Variants in LIPG observed in about 807,000 individuals in gnomAD.
LIPG encodes the protein endothelial lipase.
Under a neutral mutation model 51.8 loss-of-function variants are expected in LIPG, and 34 were observed. The ratio of observed to expected loss-of-function variants is 0.66; its 90% CI spans 0.50 to 0.87. The LOEUF is 0.87. Ranked by LOEUF, LIPG falls within the 40% of genes least tolerant of loss-of-function variation. The pLI is 0.00. For synonymous variants in LIPG, 246 were observed against 246.1 expected, an observed-to-expected ratio of 1.00 and a Z score of 0.00; for missense variants, 580 against 652.7, an observed-to-expected ratio of 0.89 and a Z score of 1.21.
chr18:49,586,948 T>A, intron 9 of LIPG, 98 bp downstream of exon 9: 4 of 870,290 alleles, frequency 4.6e-6, no homozygotes, highest in Non-Finnish European at 7.7e-6. Context: ...GGACATAGCA[T>A]GAACAAAACA....
In LIPG at chr18:49,562,377, A is replaced by T; in HGVS notation, c.69A>T (p.Val23=). 2 of 1,613,772 alleles carry T rather than the reference A, an allele frequency of 1.2e-6. No homozygotes were observed. The highest frequency in any genetic ancestry group is 1.7e-6 in the Non-Finnish European group (2 of 1,179,994). The change falls in exon 1 of 10, where the codon GTA becomes GTT. Residue 23 remains valine (V), a synonymous_variant. Coordinates refer to ENST00000261292, the MANE Select transcript of LIPG (RefSeq NM_006033.4). ...LCYCFAAGSP[V]PFGPEGRLED... The stretch of plus-strand genomic sequence containing the variant: ...ATTGCTTTGCTGCGGGGAGCCCCGT[A>T]CCTTTTGGTCCAGAGGGACGGCTGG...
chr18:49,568,305 C>T (rs1227966435), intron 3 of LIPG, among the ~76,000 whole-genome samples: 2 of 151,522 alleles, frequency 1.3e-5, no homozygotes, highest in Non-Finnish European at 2.9e-5. Context: ...ACTGGGATTA[C>T]AGGCATGAGC....
chr18:49,577,995 G>C (rs2084745358), intron 5 of LIPG, among the ~76,000 whole-genome samples: 1 of 140,212 alleles, frequency 7.1e-6, no homozygotes, highest in African/African-American at 2.7e-5. Context: ...CTCCCTCCCG[G>C]ACGGCACGGC....
At chr18:49,569,821 G>A (rs983180217) in intron 4 of LIPG, among the ~76,000 whole-genome samples, 1 of 152,136 alleles carries the variant, frequency 6.6e-6, no homozygotes, top group African/African-American at 2.4e-5. Context: ...AGCCTTGCCA[G>A]TGTGGGCGTT....
At chr18:49,577,644 G>C (rs1167558385) in intron 5 of LIPG, among the ~76,000 whole-genome samples, 1 of 143,010 alleles carries the variant, frequency 7.0e-6, no homozygotes, top group South Asian at 2.2e-4. Flanking sequence ...GCCGGGCAGG[G>C]GGCTGACCCC....
chr18:49,586,648 T>G, intron 8 of LIPG, 98 bp from the exon 9 acceptor site: 1 of 846,990 alleles, frequency 1.2e-6, no homozygotes, highest in Non-Finnish European at 2.0e-6. Context: ...CATGAAAATT[T>G]CACCCCTGCC....
chr18:49,577,673 G>A lies in LIPG; in HGVS notation c.793+2083G>A, dbSNP rs1158575529. Among the ~76,000 whole-genome samples the A allele has an allele frequency of 7.3e-3, 784 of 107,820 alleles. 13 individuals carry two copies. Among genetic ancestry groups the A allele is most frequent in the Non-Finnish European group, 0.012 (587 of 48,050 alleles). The allele number at this position is 107,820 out of a possible 152,430, so 70.7% of individuals were successfully genotyped here. A position where few individuals can be genotyped will look rare whatever the true frequency, so the allele number is the denominator to read the frequency against. On this transcript the variant is annotated intron_variant, in intron 5 of 9. Coordinates refer to ENST00000261292, the MANE Select transcript of LIPG (RefSeq NM_006033.4). ...TGACCCCCCCACCTCCCTCCCGGAC[G>A]GCACGGCTGGCCAGGCGGGGGGCTG...
intron 5 of LIPG, among the ~76,000 whole-genome samples, chr18:49,577,975 AC>A (rs1179610757): frequency 0.016 from 1,662 of 104,772 alleles, 27 homozygotes; most frequent in African/African-American, 0.063. Flanking sequence ...CAGGGGGCTG[AC>A]CCCCCCACCT....
chr18:49,579,813 C>CTTTTCTTTTCTT, intron 5 of LIPG, among the ~76,000 whole-genome samples: 1 of 121,236 alleles, frequency 8.2e-6, no homozygotes, highest in African/African-American at 3.1e-5. Context: ...CTTTTCTTTT[C>CTTTTCTTTTCTT]TTTTCTTTAC....
intron 3 of LIPG, chr18:49,567,839 G>C (rs1600544599): frequency 1.8e-6 from 1 of 543,110 alleles, no homozygotes; most frequent in Admixed American, 3.5e-5. Flanking sequence ...GATTTTTCCT[G>C]TTACTTAATT....
intron 5 of LIPG, among the ~76,000 whole-genome samples, chr18:49,576,397 C>T (rs2084717067): frequency 6.9e-6 from 1 of 144,342 alleles, no homozygotes; most frequent in Non-Finnish European, 1.5e-5. Flanking sequence ...TCTTTTTTTT[C>T]CTGTAATAAT....
At chr18:49,577,547 G>C (rs1224126952) in intron 5 of LIPG, among the ~76,000 whole-genome samples, 4 of 149,686 alleles carry the variant, frequency 2.7e-5, no homozygotes, top group Non-Finnish European at 5.9e-5. Context: ...CCTCCCAGAC[G>C]GGGTGGTGGC....
rs141460583 is a variant in LIPG, at chr18:49,579,358, T to C, written c.794-2057T>C. Among the ~76,000 whole-genome samples the C allele has an allele frequency of 6.2e-3, 940 of 151,796 alleles. 7 individuals are homozygous for C. The highest frequency in any genetic ancestry group is 0.021 in the African/African-American group (876 of 41,400). On this transcript the variant is annotated intron_variant, in intron 5 of 9. Transcript: ENST00000261292. ...CTTCTTCTCCTTCTTCCTCACTATG[T>C]TTCCCAGGTTGGAAACAAATGATCC...
chr18:49,576,411 T>C (rs2148851012), intron 5 of LIPG, among the ~76,000 whole-genome samples: 1 of 150,904 alleles, frequency 6.6e-6, no homozygotes, highest in Non-Finnish European at 1.5e-5. Flanking sequence ...TAATAATATA[T>C]TATGGATATT....
chr18:49,591,241 T>G lies in LIPG; in HGVS notation c.*719T>G, dbSNP rs140610924. ...AGTTGGGATTTCTAGACCCTCTTTC[T>G]GTTTGGATGGTGTATGTGTATATGC... On this transcript the variant is annotated 3_prime_UTR_variant, in exon 10 of 10. Transcript: ENST00000261292. The G allele has an allele frequency of 6.4e-6, 1 of 155,656 alleles. No homozygotes were observed. The highest frequency in any genetic ancestry group is 1.4e-5 in the Non-Finnish European group (1 of 70,142). The allele number at this position is 155,656 out of a possible 1,614,324, so 9.6% of individuals were successfully genotyped here. A position where few individuals can be genotyped will look rare whatever the true frequency, so the allele number is the denominator to read the frequency against.
chr18:49,571,425 C>G (rs970749863), intron 4 of LIPG, among the ~76,000 whole-genome samples: 1 of 152,194 alleles, frequency 6.6e-6, no homozygotes, highest in Non-Finnish European at 1.5e-5. Flanking sequence ...GTGGCATCTG[C>G]TGGGGTGAGG....
chr18:49,577,677 C>T (rs1360048098), intron 5 of LIPG, among the ~76,000 whole-genome samples: 8 of 97,498 alleles, frequency 8.2e-5, no homozygotes, highest in East Asian at 4.9e-4. Flanking sequence ...CCGGACGGCA[C>T]GGCTGGCCAG....
Position 49,575,729 on chromosome 18 carries a change from A to C in LIPG, c.793+139A>C, listed in dbSNP as rs2084708971. 3 of 761,838 alleles carry C rather than the reference A, an allele frequency of 3.9e-6. No homozygotes were observed. The Admixed American group carries it at 6.1e-5, about 16-fold the overall frequency. 47.2% of individuals were successfully genotyped at this position (761,838 alleles called of 1,614,324 possible). ...CACAGAGGCCTCCAATGCTGTATTT[A>C]ATATTTCTCATTGTTCCCCAAGACT... On this transcript the variant is annotated intron_variant, in intron 5 of 9. Transcript: ENST00000261292.
rs147750855 is a variant in LIPG at position 49,575,945 on chromosome 18, T to A, written c.793+355T>A. Among the ~76,000 whole-genome samples, 942 of 152,004 alleles carry A rather than the reference T, an allele frequency of 6.2e-3. 7 individuals carry two copies. Among genetic ancestry groups the A allele is most frequent in the African/African-American group, 0.021 (877 of 41,440 alleles). On this transcript the variant is annotated intron_variant, in intron 5 of 9. Transcript: ENST00000261292. ...CCTCCACCTCCCTGGTTCAAGCGAT[T>A]CTCCTGACTCAGCCTCCTGAGTAGC...
Sources: allele counts gnomAD v4.1 joint callset (sites outside exome capture counted in the v4.1 genomes callset), GRCh38; gene constraint gnomAD v4.1.1; transcripts MANE v1.5; gene names NCBI Gene and HGNC (gene_info 2026-07-23, HGNC 2026-07-21).